VPS8: variants seen among roughly 807,000 people sequenced by gnomAD.
VPS8 encodes the protein VPS8 subunit of CORVET complex.
In VPS8, 129 loss-of-function variants were observed where a neutral mutation model predicts 216.4. That is an observed-to-expected ratio of 0.60 (90% confidence interval 0.52 to 0.69). The LOEUF is 0.69. Among genes scored for constraint, VPS8 ranks in the 30% least tolerant of loss-of-function variants. The probability of loss-of-function intolerance (pLI) is 0.00; values close to 1 mark genes in which losing one functional copy is unlikely to be tolerated. For missense variants in VPS8, 1,531 were observed against 1,683.5 expected (o/e 0.91, Z 1.59); for synonymous variants, 571 against 565.4 (o/e 1.01, Z -0.14).
rs542278537 is a variant in VPS8, at chr3:184,877,653, G to A, written c.1734+6848G>A. 7.2e-5 allele frequency among the ~76,000 whole-genome samples: 11 copies of A among 152,228 alleles called. No homozygotes were observed. In the South Asian group the frequency reaches 2.1e-3, roughly 29 times the overall value. On this transcript the variant is annotated intron_variant, in intron 21 of 47. Transcript: ENST00000625842. ...GTAACTTGCCCAATATCATTGAACC[G>A]GTGAATAGAACCACCATAGATACAC...
chr3:184,864,115 C>T (rs1183575159), intron 16 of VPS8, among the ~76,000 whole-genome samples: 1 of 148,544 alleles, frequency 6.7e-6, no homozygotes, highest in Non-Finnish European at 1.5e-5. Flanking sequence ...TTGAAATAAC[C>T]CAGGAAGAGG....
intron 40 of VPS8, among the ~76,000 whole-genome samples, chr3:184,975,523 A>G (rs530726849): frequency 6.6e-6 from 1 of 152,000 alleles, no homozygotes; most frequent in East Asian, 1.9e-4. Context: ...CCTTTTTTCC[A>G]ATTTGGATGC....
intron 31 of VPS8, among the ~76,000 whole-genome samples, chr3:184,926,874 C>G (rs915913070): frequency 7.9e-5 from 12 of 152,162 alleles, no homozygotes; most frequent in Non-Finnish European, 8.8e-5. Flanking sequence ...CTGGATCTGT[C>G]TTGTATCTAC....
Position 184,971,695 on chromosome 3 carries a change from G to A in VPS8, c.3363G>A (p.Val1121=), listed in dbSNP as rs1010429411. Residue 1121 remains valine, a synonymous_variant, in exon 40 of 48, where the codon GTG becomes GTA. Coordinates refer to ENST00000625842, the MANE Select transcript of VPS8 (RefSeq NM_001009921.3). The part of the protein sequence containing the change: ...PSLKDVEDTM[V]ETIALCQRNS... ...TGAAGGATGTTGAAGATACTATGGT[G>A]GAGACCATTGCTCTTTGCCAGAGAA... The A allele has an allele frequency of 2.5e-5, 41 of 1,613,454 alleles. No individual in the cohort carries two copies. The highest frequency in any genetic ancestry group is 3.2e-5 in the Non-Finnish European group (38 of 1,179,650).
chr3:185,019,652 G>A (rs1033468397), intron 45 of VPS8, among the ~76,000 whole-genome samples: 1 of 152,338 alleles, frequency 6.6e-6, no homozygotes, highest in African/African-American at 2.4e-5. Context: ...TCCACCCTGG[G>A]TGGGCCAGGT....
intron 1 of VPS8, among the ~76,000 whole-genome samples, chr3:184,815,602 T>C (rs1283590762): frequency 2.6e-5 from 4 of 152,136 alleles, no homozygotes; most frequent in African/African-American, 9.7e-5. Context: ...AGTACCTTGA[T>C]TGGCCACATA....
chr3:184,853,188 T>G (rs996028918), intron 11 of VPS8, among the ~76,000 whole-genome samples: 1 of 152,176 alleles, frequency 6.6e-6, no homozygotes, highest in South Asian at 2.1e-4. Context: ...GGTATTTATC[T>G]AGATCCCAGA....
rs373666551 is a variant in VPS8 at position 184,832,747 on chromosome 3, C to G, written c.281C>G (p.Thr94Ser). Residue 94 changes from threonine to serine, a missense_variant, in exon 4 of 48, where the codon ACT becomes AGT. By Grantham distance (58) the Thr-to-Ser change is moderately conservative (BLOSUM62 1). Transcript: ENST00000625842. Reference sequence around the variant, plus strand: ...GATCCTACATTGTTAAACATTGATACTATTGATTCTCACTCCTATGATACT... The same window carrying G: ...GATCCTACATTGTTAAACATTGATAGTATTGATTCTCACTCCTATGATACT... ...LEDPTLLNID[T>S]IDSHSYDTSS... 6.2e-7 allele frequency: 1 copy of G among 1,608,314 alleles called. No individual in the cohort carries two copies. The highest frequency in any genetic ancestry group is 8.5e-7 in the Non-Finnish European group (1 of 1,176,776).
At chr3:184,945,618 C>T (rs1184741067) in intron 36 of VPS8, among the ~76,000 whole-genome samples, 1 of 152,118 alleles carries the variant, frequency 6.6e-6, no homozygotes, top group East Asian at 1.9e-4. Flanking sequence ...TGTCTTTACC[C>T]CTACTGCCCT....
chr3:184,849,238 C>T (rs1418654489), intron 9 of VPS8, 43 bp downstream of exon 9: 1 of 1,586,948 alleles, frequency 6.3e-7, no homozygotes, highest in African/African-American at 1.4e-5. Context: ...AATGTTAAAA[C>T]AAGATGAATT....
chr3:184,814,075 C>T (rs1428875367), intron 1 of VPS8, among the ~76,000 whole-genome samples: 2 of 152,116 alleles, frequency 1.3e-5, no homozygotes, highest in Non-Finnish European at 2.9e-5. Flanking sequence ...TATAGCTTTG[C>T]GTTGGATTTT....
At position 184,903,320 on chromosome 3, in the gene VPS8, A is replaced by T. The variant is rs999541801; in HGVS notation, c.2146+2348A>T. Among the ~76,000 whole-genome samples the T allele has an allele frequency of 8.5e-5, 13 of 152,218 alleles. No individual in the cohort carries two copies. The South Asian group carries it at 1.0e-3, about 12-fold the overall frequency. ...TAAAATCAGCTCATCAGTTTTTTTTAAAAAAGCTCATTTGATTTTCTTTGA... is the reference window on the plus strand; with the variant it reads ...TAAAATCAGCTCATCAGTTTTTTTTTAAAAAGCTCATTTGATTTTCTTTGA... On this transcript the variant is annotated intron_variant, in intron 25 of 47. Coordinates refer to ENST00000625842, the MANE Select transcript of VPS8 (RefSeq NM_001009921.3).
At chr3:184,924,300 C>T (rs1438062167) in intron 29 of VPS8, among the ~76,000 whole-genome samples, 1 of 152,136 alleles carries the variant, frequency 6.6e-6, no homozygotes, top group Admixed American at 6.5e-5. Context: ...TTTAGTAGGG[C>T]TTATTTAATT....
At chr3:184,963,713 A>G (rs562338963) in intron 37 of VPS8, among the ~76,000 whole-genome samples, 213 of 152,216 alleles carry the variant, frequency 1.4e-3, no homozygotes, top group African/African-American at 4.9e-3. Flanking sequence ...TTAAAAGGGA[A>G]CATATCTAAT....
intron 22 of VPS8, among the ~76,000 whole-genome samples, chr3:184,892,218 A>G (rs1296560370): frequency 6.6e-6 from 1 of 152,084 alleles, no homozygotes; most frequent in African/African-American, 2.4e-5. Flanking sequence ...TTTTGTATGT[A>G]CTTGTCTTTT....
intron 22 of VPS8, among the ~76,000 whole-genome samples, chr3:184,894,404 T>C (rs1011760930): frequency 6.6e-6 from 1 of 151,918 alleles, no homozygotes; most frequent in African/African-American, 2.4e-5. Flanking sequence ...TTTTGTTTGT[T>C]AGATATGTCA....
intron 22 of VPS8, 47 bp from the exon 23 acceptor site, chr3:184,894,655 AT>A: frequency 7.1e-7 from 1 of 1,402,786 alleles, no homozygotes. Flanking sequence ...AATTTAATGG[AT>A]ATTTGGCATG....
intron 42 of VPS8, among the ~76,000 whole-genome samples, chr3:184,989,429 CT>C (rs951215454): frequency 3.4e-5 from 5 of 148,416 alleles, no homozygotes; most frequent in South Asian, 2.1e-4. Context: ...TTTTTCTTGT[CT>C]TTTTTTTTTC....
intron 30 of VPS8, among the ~76,000 whole-genome samples, chr3:184,926,349 C>T (rs1739634504): frequency 6.7e-6 from 1 of 149,882 alleles, no homozygotes; most frequent in Non-Finnish European, 1.5e-5. Context: ...TGCACTCCAG[C>T]CTGGGCGACA....
Sources: allele counts gnomAD v4.1 joint callset (sites outside exome capture counted in the v4.1 genomes callset), GRCh38; gene constraint gnomAD v4.1.1; transcripts MANE v1.5; gene names NCBI Gene and HGNC (gene_info 2026-07-23, HGNC 2026-07-21).